The following EPHB1 variants were observed in gnomAD, a reference collection of about 807,000 sequenced individuals.
EPHB1 encodes the protein EPH receptor B1.
In EPHB1, 30 loss-of-function variants were observed where a neutral mutation model predicts 94.4. The observed-to-expected ratio is 0.32, with a 90% CI of 0.24 to 0.43. The LOEUF (loss-of-function observed/expected upper bound fraction) is 0.43, where lower values mean the gene tolerates loss of function less well. Among genes scored for constraint, EPHB1 ranks in the 20% least tolerant of loss-of-function variants. The pLI is 1.00. For missense variants in EPHB1, 1,055 were observed against 1,308.3 expected, an observed-to-expected ratio of 0.81 and a Z score of 2.99; for synonymous variants, 522 against 489.1, an observed-to-expected ratio of 1.07 and a Z score of -0.89.
At chr3:134,870,749 T>C (rs965143174) in intron 1 of EPHB1, among the ~76,000 whole-genome samples, 2 of 152,170 alleles carry the variant, frequency 1.3e-5, no homozygotes, top group Non-Finnish European at 2.9e-5. Context: ...CTGCACATAG[T>C]GTTGTGAGGG....
intron 3 of EPHB1, among the ~76,000 whole-genome samples, chr3:134,987,938 C>G (rs1017905627): frequency 6.6e-6 from 1 of 150,710 alleles, no homozygotes; most frequent in Non-Finnish European, 1.5e-5. Context: ...GCTACCCAGA[C>G]TGGTATTTTT....
chr3:135,045,813 A>G (rs1936982021), intron 3 of EPHB1, among the ~76,000 whole-genome samples: 1 of 152,226 alleles, frequency 6.6e-6, no homozygotes, highest in South Asian at 2.1e-4. Context: ...AGTTCAAAAT[A>G]GATAAATGTA....
Position 134,795,383 on chromosome 3 carries a change from C to T in EPHB1, c.-249C>T, listed in dbSNP as rs1001296578. ...TCGCCCTCTCTCTCTCACACACGCA[C>T]GCACACACCCACCTCTCCCATAAAC... On this transcript the variant is annotated 5_prime_UTR_variant, in exon 1 of 16. In the 5' UTR this introduces an upstream ATG that the reference lacks. Coordinates refer to ENST00000398015, the MANE Select transcript of EPHB1 (RefSeq NM_004441.5). 1.9e-6 allele frequency: 1 copy of T among 527,748 alleles called. No homozygotes were observed. The highest frequency in any genetic ancestry group is 3.3e-6 in the Non-Finnish European group (1 of 302,822). 32.7% of individuals were successfully genotyped at this position (527,748 alleles called of 1,614,324 possible).
At chr3:134,856,146 C>T (rs1460659932) in intron 1 of EPHB1, among the ~76,000 whole-genome samples, 1 of 152,148 alleles carries the variant, frequency 6.6e-6, no homozygotes, top group African/African-American at 2.4e-5. Context: ...GCTAGTGTCC[C>T]ACCACCCCAC....
At chr3:135,176,080 A>G (rs1941971249) in intron 9 of EPHB1, among the ~76,000 whole-genome samples, 1 of 152,146 alleles carries the variant, frequency 6.6e-6, no homozygotes, top group South Asian at 2.1e-4. Context: ...TGGAAAGGCT[A>G]GCTATACTGC....
intron 3 of EPHB1, among the ~76,000 whole-genome samples, chr3:135,002,108 G>T (rs902537655): frequency 2.6e-5 from 4 of 152,206 alleles, no homozygotes; most frequent in African/African-American, 9.7e-5. Flanking sequence ...TGAATGAAAT[G>T]TTGATGTATG....
intron 15 of EPHB1, among the ~76,000 whole-genome samples, chr3:135,251,834 G>A (rs1245433591): frequency 6.6e-6 from 1 of 152,196 alleles, no homozygotes; most frequent in Non-Finnish European, 1.5e-5. Flanking sequence ...GCAATCAGCT[G>A]TGCTGGGTTC....
At chr3:134,914,292 C>T (rs1299890620) in intron 1 of EPHB1, among the ~76,000 whole-genome samples, 1 of 152,234 alleles carries the variant, frequency 6.6e-6, no homozygotes, top group Non-Finnish European at 1.5e-5. Flanking sequence ...CTGCTCTTTG[C>T]AGACCAACTA....
chr3:135,060,450 T>C (rs934462426), intron 3 of EPHB1, among the ~76,000 whole-genome samples: 1 of 152,240 alleles, frequency 6.6e-6, no homozygotes, highest in Non-Finnish European at 1.5e-5. Flanking sequence ...GGGTTATTTC[T>C]ATTTTTTGGC....
chr3:135,246,608 C>T (rs1272367128), intron 13 of EPHB1, among the ~76,000 whole-genome samples: 1 of 152,154 alleles, frequency 6.6e-6, no homozygotes, highest in Non-Finnish European at 1.5e-5. Flanking sequence ...TGCCCCTGGG[C>T]AAATTATTTC....
At position 135,180,094 on chromosome 3, in the gene EPHB1, A is replaced by G. The variant is rs1942114425; in HGVS notation, c.1882+112A>G. ...AAGCCCCATTAGGAGGAGAGCTTCT[A>G]TCTTCTTTCTCCTCAGAAGATGAGT... is the stretch of plus-strand genomic sequence containing the variant. On this transcript the variant is annotated intron_variant, in intron 10 of 15. Coordinates refer to ENST00000398015, the MANE Select transcript of EPHB1 (RefSeq NM_004441.5). 6 of 1,262,792 alleles carry G rather than the reference A, an allele frequency of 4.8e-6. No homozygotes were observed. The East Asian group carries it at 9.6e-5, about 20-fold the overall frequency. The allele number at this position is 1,262,792 out of a possible 1,614,324, so 78.2% of individuals were successfully genotyped here.
intron 3 of EPHB1, among the ~76,000 whole-genome samples, chr3:135,089,741 G>A (rs1031150205): frequency 5.3e-5 from 8 of 152,300 alleles, no homozygotes; most frequent in East Asian, 1.9e-4. Flanking sequence ...CTCTGGGTTC[G>A]TGTCCTGCTG....
At chr3:134,837,141 C>A (rs949211098) in intron 1 of EPHB1, among the ~76,000 whole-genome samples, 4 of 152,192 alleles carry the variant, frequency 2.6e-5, no homozygotes, top group African/African-American at 9.7e-5. Context: ...AAAGACTGAT[C>A]CTCGCCCAGC....
intron 3 of EPHB1, among the ~76,000 whole-genome samples, chr3:135,032,273 C>G (rs1936500245): frequency 1.4e-5 from 2 of 140,380 alleles, no homozygotes; most frequent in Non-Finnish European, 3.1e-5. Context: ...TTTTTTCTAT[C>G]TCTGATTTTT....
In EPHB1 at chr3:135,037,005, C is replaced by T. The variant is rs529042179; in HGVS notation, c.806-69443C>T. On this transcript the variant is annotated intron_variant, in intron 3 of 15. Coordinates refer to ENST00000398015, the MANE Select transcript of EPHB1 (RefSeq NM_004441.5). ...AGCAATGGGGTGGTAAATAGACTAC[C>T]GAGAAGATAGATGGATTGTTGTTCT... 1.6e-3 allele frequency among the ~76,000 whole-genome samples: 243 copies of T among 152,140 alleles called. 1 individual carries two copies. The highest frequency in any genetic ancestry group is 5.6e-3 in the African/African-American group (233 of 41,494).
At chr3:135,070,026 G>A (rs905895750) in intron 3 of EPHB1, among the ~76,000 whole-genome samples, 1 of 152,138 alleles carries the variant, frequency 6.6e-6, no homozygotes, top group African/African-American at 2.4e-5. Flanking sequence ...AGGGGGATGT[G>A]CTATGCAGCT....
At chr3:135,036,409 A>C (rs1002520110) in intron 3 of EPHB1, among the ~76,000 whole-genome samples, 23 of 152,210 alleles carry the variant, frequency 1.5e-4, no homozygotes, top group African/African-American at 5.5e-4. Context: ...GCAGGCCTGC[A>C]TGGCCTGTGA....
intron 12 of EPHB1, 27 bp from the exon 13 acceptor site, chr3:135,241,121 G>A (rs771036306): frequency 1.9e-6 from 3 of 1,614,082 alleles, no homozygotes; most frequent in Middle Eastern, 1.7e-4. Context: ...TGATTGTTGG[G>A]CTGACCACGG....
chr3:134,978,060 C>A (rs1271896517), intron 3 of EPHB1: 1 of 444,596 alleles, frequency 2.2e-6, no homozygotes, highest in Non-Finnish European at 4.5e-6. Flanking sequence ...TCTGCATCCA[C>A]CCCCTCTGAG....
Sources: gnomAD v4.1 joint callset for allele counts (sites outside exome capture counted in the v4.1 genomes callset) on GRCh38, gnomAD v4.1.1 for gene constraint, MANE v1.5 for transcripts, NCBI Gene and HGNC (gene_info 2026-07-23, HGNC 2026-07-21) for gene names.